ENOX1: variants seen among roughly 807,000 people sequenced by gnomAD.
ENOX1 encodes ecto-NOX disulfide-thiol exchanger 1.
Under a neutral mutation model 82.5 loss-of-function variants are expected in ENOX1, and 42 were observed. That is an observed-to-expected ratio of 0.51 (90% CI 0.40 to 0.66). The LOEUF (loss-of-function observed/expected upper bound fraction) is 0.66. ENOX1 is among the 30% of genes least tolerant of loss of function. The probability of loss-of-function intolerance (pLI) is 0.00; values close to 1 mark genes in which losing one functional copy is unlikely to be tolerated. For missense variants in ENOX1, 608 were observed against 811.6 expected (o/e 0.75, Z 3.05); for synonymous variants, 271 against 282.2 (o/e 0.96, Z 0.40).
chr13:43,358,999 T>C (rs1352043886), intron 7 of ENOX1, among the ~76,000 whole-genome samples: 18 of 152,234 alleles, frequency 1.2e-4, no homozygotes. Flanking sequence ...TTGCACAGAA[T>C]TTCGTGGCAA....
intron 2 of ENOX1, among the ~76,000 whole-genome samples, chr13:43,532,854 T>C (rs1324387346): frequency 6.6e-6 from 1 of 151,234 alleles, no homozygotes; most frequent in Non-Finnish European, 1.5e-5. Flanking sequence ...CAATGTGTTT[T>C]ATTTTTAAAT....
intron 2 of ENOX1, among the ~76,000 whole-genome samples, chr13:43,505,604 T>C (rs9525794): frequency 0.39 from 58,724 of 151,790 alleles, 12,712 homozygotes; most frequent in Non-Finnish European, 0.5. Context: ...ATGGGGTTGT[T>C]TTTTTCTTGT....
chr13:43,295,894 G>A (rs1042839329), intron 12 of ENOX1, among the ~76,000 whole-genome samples: 1 of 152,052 alleles, frequency 6.6e-6, no homozygotes, highest in Non-Finnish European at 1.5e-5. Context: ...GCCATACACC[G>A]CCTAACAACC....
At chr13:43,781,323 C>CTA (rs1952244187) in intron 1 of ENOX1, among the ~76,000 whole-genome samples, 1 of 152,086 alleles carries the variant, frequency 6.6e-6, no homozygotes, top group Non-Finnish European at 1.5e-5. Flanking sequence ...ATATGCCAGG[C>CTA]TATATGTCGT....
At chr13:43,315,963 C>A (rs191850571) in intron 11 of ENOX1, among the ~76,000 whole-genome samples, 2 of 152,304 alleles carry the variant, frequency 1.3e-5, no homozygotes, top group African/African-American at 2.4e-5. Context: ...TGCACACAGG[C>A]GGCGGTGCAG....
At chr13:43,617,755 G>A (rs2082544699) in intron 2 of ENOX1, among the ~76,000 whole-genome samples, 1 of 152,194 alleles carries the variant, frequency 6.6e-6, no homozygotes, top group Non-Finnish European at 1.5e-5. Flanking sequence ...TGGGATTGCT[G>A]GATCAAATGG....
chr13:43,456,698 CT>C (rs1422177931), intron 3 of ENOX1, among the ~76,000 whole-genome samples: 1 of 152,146 alleles, frequency 6.6e-6, no homozygotes, highest in Non-Finnish European at 1.5e-5. Flanking sequence ...TAGAGTATCT[CT>C]GATTCAATGT....
intron 2 of ENOX1, among the ~76,000 whole-genome samples, chr13:43,588,524 G>T (rs1208076589): frequency 2.0e-5 from 3 of 152,182 alleles, no homozygotes; most frequent in Admixed American, 2.0e-4. Flanking sequence ...GGACCAGTAT[G>T]ATCTCTAAAA....
At chr13:43,381,958 C>T (rs1261852265) in intron 5 of ENOX1, among the ~76,000 whole-genome samples, 1 of 151,982 alleles carries the variant, frequency 6.6e-6, no homozygotes, top group Non-Finnish European at 1.5e-5. Context: ...AAAAATAATA[C>T]TAATTCTACA....
chr13:43,772,610 G>A (rs1052301997), intron 1 of ENOX1, among the ~76,000 whole-genome samples: 4 of 152,066 alleles, frequency 2.6e-5, no homozygotes, highest in East Asian at 1.9e-4. Context: ...TTAGCTTGGC[G>A]TGGTGGTACA....
At chr13:43,402,721 G>A (rs914921925) in intron 5 of ENOX1, among the ~76,000 whole-genome samples, 1 of 152,176 alleles carries the variant, frequency 6.6e-6, no homozygotes, top group African/African-American at 2.4e-5. Context: ...AAAAGACTTT[G>A]ACATTAACCC....
intron 5 of ENOX1, among the ~76,000 whole-genome samples, chr13:43,403,403 G>C (rs1049026457): frequency 6.6e-6 from 1 of 152,178 alleles, no homozygotes; most frequent in Non-Finnish European, 1.5e-5. Flanking sequence ...AACATCTCTA[G>C]CTAACAAGGA....
At chr13:43,588,877 A>G (rs2081112527) in intron 2 of ENOX1, among the ~76,000 whole-genome samples, 1 of 152,208 alleles carries the variant, frequency 6.6e-6, no homozygotes, top group African/African-American at 2.4e-5. Flanking sequence ...ATTGTTTTCA[A>G]TTATCAAGTC....
chr13:43,729,483 C>A (rs1298799843), intron 1 of ENOX1, among the ~76,000 whole-genome samples: 1 of 152,018 alleles, frequency 6.6e-6, no homozygotes, highest in Non-Finnish European at 1.5e-5. Context: ...TAACAGTAAC[C>A]CACCAAGAAC....
intron 1 of ENOX1, among the ~76,000 whole-genome samples, chr13:43,671,781 T>A (rs1341778841): frequency 6.6e-6 from 1 of 152,096 alleles, no homozygotes; most frequent in African/African-American, 2.4e-5. Flanking sequence ...AGGATCCCTA[T>A]CTCTCTGGAT....
At chr13:43,381,305 C>G (rs2052023701) in intron 5 of ENOX1, among the ~76,000 whole-genome samples, 1 of 151,248 alleles carries the variant, frequency 6.6e-6, no homozygotes, top group Admixed American at 6.6e-5. Flanking sequence ...TCTGAATAGC[C>G]TGTAGGTCAA....
intron 1 of ENOX1, among the ~76,000 whole-genome samples, chr13:43,713,124 G>C (rs539338949): frequency 6.0e-4 from 92 of 152,214 alleles, no homozygotes; most frequent in African/African-American, 2.1e-3. Context: ...TAGCATGAAG[G>C]GTTGTTGAAT....
chr13:43,781,975 C>A (rs1952296610), intron 1 of ENOX1, among the ~76,000 whole-genome samples: 1 of 152,144 alleles, frequency 6.6e-6, no homozygotes, highest in South Asian at 2.1e-4. Flanking sequence ...TAGCAATCAT[C>A]CCATTTGGGT....
chr13:43,758,148 A>T (rs2153834336), intron 1 of ENOX1, among the ~76,000 whole-genome samples: 1 of 152,220 alleles, frequency 6.6e-6, no homozygotes, highest in East Asian at 1.9e-4. Context: ...AGGCAGAAGA[A>T]TTGCTTGAAG....
Sources: allele counts gnomAD v4.1 joint callset (sites outside exome capture counted in the v4.1 genomes callset), GRCh38; gene constraint gnomAD v4.1.1; transcripts MANE v1.5; gene names NCBI Gene and HGNC (gene_info 2026-07-23, HGNC 2026-07-21).